ZNF385D: variants seen among roughly 807,000 people sequenced by gnomAD.
ZNF385D encodes the protein zinc finger protein 659.
Under a neutral mutation model 35.8 loss-of-function variants are expected in ZNF385D, and 15 were observed. That is an observed-to-expected ratio of 0.42 (90% CI 0.28 to 0.64). The LOEUF is 0.64. ZNF385D is among the 30% of genes least tolerant of loss of function. ZNF385D has a pLI of 0.23. For missense variants in ZNF385D, 474 were observed against 494.6 expected, an observed-to-expected ratio of 0.96 and a Z score of 0.39; for synonymous variants, 212 against 186.8, an observed-to-expected ratio of 1.13 and a Z score of -1.10.
rs1181306598 is a variant in ZNF385D at position 22,078,659 on chromosome 3, G to C, written c.325+90158C>G. 3.3e-5 allele frequency among the ~76,000 whole-genome samples: 5 copies of C among 152,076 alleles called. No individual in the cohort carries two copies. In the East Asian group the frequency reaches 7.7e-4, roughly 23 times the overall value. ...AAAACAGAAATCTCTAATAGTGACAGGTGATGGCAATCAGTGTGTTTTCAA... is the reference window on the plus strand; with the variant it reads ...AAAACAGAAATCTCTAATAGTGACACGTGATGGCAATCAGTGTGTTTTCAA... On this transcript the variant is annotated intron_variant, in intron 3 of 5. Transcript: ENST00000494108.
chr3:21,428,594 T>C (rs1575126683), intron 5 of ZNF385D, among the ~76,000 whole-genome samples: 1 of 151,978 alleles, frequency 6.6e-6, no homozygotes, highest in East Asian at 1.9e-4. Context: ...CTCATAAAGC[T>C]TTTTTTGCTG....
intron 3 of ZNF385D, among the ~76,000 whole-genome samples, chr3:21,554,704 G>T (rs1002581029): frequency 3.3e-5 from 5 of 152,202 alleles, no homozygotes; most frequent in African/African-American, 1.2e-4. Flanking sequence ...TTTTTCAGCG[G>T]CCTTAACTGG....
At chr3:21,493,450 A>T (rs997474500) in intron 4 of ZNF385D, among the ~76,000 whole-genome samples, 2 of 152,092 alleles carry the variant, frequency 1.3e-5, no homozygotes. Flanking sequence ...TATAAATTAA[A>T]ACTATACTTT....
intron 4 of ZNF385D, among the ~76,000 whole-genome samples, chr3:21,453,243 A>T (rs1241445545): frequency 6.6e-6 from 1 of 151,914 alleles, no homozygotes; most frequent in Admixed American, 6.6e-5. Context: ...ACCTAAATGT[A>T]GGAGGAAAAA....
At chr3:22,299,569 A>G (rs1294304094) in intron 2 of ZNF385D, among the ~76,000 whole-genome samples, 1 of 151,964 alleles carries the variant, frequency 6.6e-6, no homozygotes, top group African/African-American at 2.4e-5. Flanking sequence ...TACAAATAGA[A>G]AACCCTGAAG....
intron 3 of ZNF385D, among the ~76,000 whole-genome samples, chr3:22,114,024 A>G (rs1283237559): frequency 1.3e-5 from 2 of 152,134 alleles, no homozygotes; most frequent in African/African-American, 4.8e-5. Flanking sequence ...TAAATGTTTT[A>G]AATATTAACA....
chr3:22,130,847 C>CT (rs1703743789), intron 3 of ZNF385D, among the ~76,000 whole-genome samples: 2 of 152,066 alleles, frequency 1.3e-5, no homozygotes, highest in South Asian at 4.1e-4. Flanking sequence ...TTTGATGTTC[C>CT]TTTGGGGGAA....
Position 22,011,199 on chromosome 3 carries a change from C to T in ZNF385D, c.325+157618G>A, listed in dbSNP as rs578098399. On this transcript the variant is annotated intron_variant, in intron 3 of 5. Transcript: ENST00000494108. The stretch of plus-strand genomic sequence containing the variant: ...GTTTATTGTTTCTAAAATATGTATA[C>T]GTAAGCAAAAAAGCCACCAATGAGA... 7.9e-5 allele frequency among the ~76,000 whole-genome samples: 12 copies of T among 151,476 alleles called. No individual in the cohort carries two copies. In the South Asian group the frequency reaches 1.3e-3, roughly 16 times the overall value.
At chr3:22,259,320 T>C (rs1485181445) in intron 2 of ZNF385D, among the ~76,000 whole-genome samples, 1 of 152,010 alleles carries the variant, frequency 6.6e-6, no homozygotes, top group Admixed American at 6.6e-5. Flanking sequence ...TCCAAAATTC[T>C]AATTTTTGCA....
rs115511017 is a variant in ZNF385D at position 21,879,349 on chromosome 3, C to G, written c.326-214321G>C. Among the ~76,000 whole-genome samples the G allele has an allele frequency of 8.2e-3, 1,253 of 152,088 alleles. 18 individuals carry two copies. The highest frequency in any genetic ancestry group is 0.028 in the African/African-American group (1,178 of 41,538). On this transcript the variant is annotated intron_variant, in intron 3 of 5. Transcript: ENST00000494108. ...ACACATGGGATCCGTTTATTGCCAT[C>G]TCTGGGATTAGAGTGCTGGCTCTCA...
intron 2 of ZNF385D, among the ~76,000 whole-genome samples, chr3:22,191,889 A>G (rs1364015464): frequency 6.9e-6 from 1 of 144,250 alleles, no homozygotes; most frequent in East Asian, 2.0e-4. Flanking sequence ...TGCTTATTAA[A>G]TAACTCTGAG....
At chr3:22,006,619 G>C (rs1331682963) in intron 3 of ZNF385D, among the ~76,000 whole-genome samples, 7 of 151,926 alleles carry the variant, frequency 4.6e-5, no homozygotes, top group Non-Finnish European at 8.8e-5. Context: ...AAAGAAGAGA[G>C]TTAAGTAGGA....
intron 3 of ZNF385D, among the ~76,000 whole-genome samples, chr3:22,144,958 G>A (rs775393092): frequency 2.0e-5 from 3 of 151,770 alleles, no homozygotes; most frequent in Non-Finnish European, 2.9e-5. Context: ...TTATTTAATA[G>A]GTAATCATAA....
chr3:22,109,477 C>T (rs1221821883), intron 3 of ZNF385D, among the ~76,000 whole-genome samples: 1 of 152,092 alleles, frequency 6.6e-6, no homozygotes, highest in Non-Finnish European at 1.5e-5. Flanking sequence ...GGGTAGTGGA[C>T]AGAAAGCATC....
At chr3:22,277,784 AT>A (rs1467048578) in intron 2 of ZNF385D, among the ~76,000 whole-genome samples, 1 of 152,092 alleles carries the variant, frequency 6.6e-6, no homozygotes, top group Non-Finnish European at 1.5e-5. Context: ...CTCTGAAGAT[AT>A]GGCATTTTGG....
chr3:21,677,394 T>C (rs191860403), intron 1 of ZNF385D, among the ~76,000 whole-genome samples: 29 of 152,180 alleles, frequency 1.9e-4, no homozygotes, highest in Admixed American at 1.6e-3. Context: ...GAGGCACATA[T>C]ACATCTTGAC....
chr3:22,229,724 G>A (rs966570277), intron 2 of ZNF385D, among the ~76,000 whole-genome samples: 6 of 152,168 alleles, frequency 3.9e-5, no homozygotes, highest in Admixed American at 1.3e-4. Context: ...TACAGCAATA[G>A]ACAAGTGGTC....
At chr3:22,137,265 A>C (rs1083731) in intron 3 of ZNF385D, among the ~76,000 whole-genome samples, 139,839 of 152,154 alleles carry the variant, frequency 0.92, 64,417 homozygotes, top group African/African-American at 0.98. Flanking sequence ...GGTACCATTC[A>C]TTCTGAAACC....
chr3:22,164,963 G>C (rs1706217796), intron 3 of ZNF385D, among the ~76,000 whole-genome samples: 1 of 152,172 alleles, frequency 6.6e-6, no homozygotes, highest in South Asian at 2.1e-4. Flanking sequence ...TTCTGAAAAA[G>C]TCAAAACCAT....
Sources: gnomAD v4.1 joint callset for allele counts (sites outside exome capture counted in the v4.1 genomes callset) on GRCh38, gnomAD v4.1.1 for gene constraint, MANE v1.5 for transcripts, NCBI Gene and HGNC (gene_info 2026-07-23, HGNC 2026-07-21) for gene names.